MARCHF7: variants seen among roughly 807,000 people sequenced by gnomAD.
MARCHF7 encodes E3 ubiquitin-protein ligase MARCHF7.
A neutral mutation model predicts 76.5 loss-of-function variants in MARCHF7; 20 were observed. The ratio of observed to expected loss-of-function variants is 0.26; its 90% CI spans 0.18 to 0.38. MARCHF7 has a LOEUF of 0.38. Among genes scored for constraint, MARCHF7 ranks in the 10% least tolerant of loss-of-function variants. The pLI, the probability that MARCHF7 is intolerant of heterozygous loss-of-function variation, is 1.00. For missense variants in MARCHF7, 797 were observed against 812.9 expected (o/e 0.98, Z 0.24); for synonymous variants, 295 against 293.0 (o/e 1.01, Z -0.07).
rs981142263 is a variant in MARCHF7 at position 159,712,567 on chromosome 2, C to T, written c.-182C>T. ...TTGTGCTTCGCTGCCGACTGCATTTCCTCAGTCACGGGCCTAGAACTCCAA... is the reference window on the plus strand; with the variant it reads ...TTGTGCTTCGCTGCCGACTGCATTTTCTCAGTCACGGGCCTAGAACTCCAA... On this transcript the variant is annotated 5_prime_UTR_variant, in exon 1 of 12. Transcript: ENST00000409175. 6.6e-6 allele frequency: 1 copy of T among 152,658 alleles called. No homozygotes were observed. Among genetic ancestry groups the T allele is most frequent in the African/African-American group, 2.4e-5 (1 of 41,420 alleles). 9.5% of individuals were successfully genotyped at this position (152,658 alleles called of 1,614,324 possible).
At chr2:159,714,968 C>G (rs1225474932) in intron 2 of MARCHF7, among the ~76,000 whole-genome samples, 1 of 152,166 alleles carries the variant, frequency 6.6e-6, no homozygotes, top group African/African-American at 2.4e-5. Context: ...GAATGGAGAG[C>G]TATTGTGTTC....
At position 159,752,528 on chromosome 2, in the gene MARCHF7, C is replaced by T. The variant is rs1705778881; in HGVS notation, c.1740C>T (p.His580=). ...GCACAGGAAGTTTGCAGTATGTCCA[C>T]CAAGACTGTATGAAAAAGTGGTTAC... ...CKCTGSLQYV[H]QDCMKKWLQA... The change falls in exon 8 of 12, where the codon CAC becomes CAT. Residue 580 remains histidine (H), a synonymous_variant. Transcript: ENST00000409175. 1 of 1,570,326 alleles carries T rather than the reference C, an allele frequency of 6.4e-7. No individual in the cohort carries two copies. The highest frequency in any genetic ancestry group is 8.6e-7 in the Non-Finnish European group (1 of 1,160,770).
At position 159,767,349 on chromosome 2, in the gene MARCHF7, A is replaced by G. The variant is rs761007202; in HGVS notation, c.*7A>G. The stretch of plus-strand genomic sequence containing the variant: ...GACATTTGATATTGCCTAACTTCAT[A>G]TAAGACAGATGGATGATCTGTGAAC... On this transcript the variant is annotated 3_prime_UTR_variant, in exon 12 of 12. Transcript: ENST00000409175. The G allele has an allele frequency of 2.6e-5, 42 of 1,597,654 alleles. No homozygotes were observed. Among genetic ancestry groups the G allele is most frequent in the Admixed American group, 8.4e-5 (5 of 59,752 alleles).
At position 159,767,463 on chromosome 2, in the gene MARCHF7, A is replaced by G. The variant is rs1185666505; in HGVS notation, c.*121A>G. On this transcript the variant is annotated 3_prime_UTR_variant, in exon 12 of 12. Coordinates refer to ENST00000409175, the MANE Select transcript of MARCHF7 (RefSeq NM_001282805.2). Reference sequence around the variant, plus strand: ...TACATTGACTATATATAAAATGAATATATACATACACATGTATGCCTGTAT... The same window carrying G: ...TACATTGACTATATATAAAATGAATGTATACATACACATGTATGCCTGTAT... The G allele has an allele frequency of 1.6e-6, 1 of 638,034 alleles. No individual in the cohort carries two copies. Among genetic ancestry groups the G allele is most frequent in the African/African-American group, 1.9e-5 (1 of 53,740 alleles). 39.5% of individuals were successfully genotyped at this position (638,034 alleles called of 1,614,324 possible). A position where few individuals can be genotyped will look rare whatever the true frequency, so the allele number is the denominator to read the frequency against.
intron 3 of MARCHF7, among the ~76,000 whole-genome samples, chr2:159,723,737 A>G (rs534051998): frequency 6.6e-6 from 1 of 152,332 alleles, no homozygotes; most frequent in African/African-American, 2.4e-5. Flanking sequence ...GAGCTCACCT[A>G]ATAACAATCA....
intron 5 of MARCHF7, among the ~76,000 whole-genome samples, chr2:159,743,889 C>T (rs1266010685): frequency 6.8e-6 from 1 of 147,292 alleles, no homozygotes; most frequent in Non-Finnish European, 1.5e-5. Flanking sequence ...GCCTGGTAGA[C>T]AGAGCAAGAC....
At position 159,752,540 on chromosome 2, in the gene MARCHF7, GA is replaced by G; in HGVS notation, c.1757del (p.Lys586SerfsTer13). 3.2e-6 allele frequency: 5 copies of G among 1,543,690 alleles called. No individual in the cohort carries two copies. Among genetic ancestry groups the G allele is most frequent in the Non-Finnish European group, 4.4e-6 (5 of 1,147,762 alleles). On this transcript the variant is annotated frameshift_variant, in exon 8 of 12. Coordinates refer to ENST00000409175, the MANE Select transcript of MARCHF7 (RefSeq NM_001282805.2). LOFTEE classifies it high-confidence loss of function. ...SLQYVHQDCM[K>X]KWLQAKINSG... ...TGCAGTATGTCCACCAAGACTGTATGAAAAAGTGGTTACAGGCCAAAATTAA... is the reference window on the plus strand; with the variant it reads ...TGCAGTATGTCCACCAAGACTGTATGAAAAGTGGTTACAGGCCAAAATTAA...
rs1226602690 is a variant in MARCHF7, at chr2:159,748,792, T to C, written c.1502T>C (p.Met501Thr). The C allele has an allele frequency of 1.2e-6, 2 of 1,614,178 alleles. No individual in the cohort carries two copies. The highest frequency in any genetic ancestry group is 2.2e-5 in the East Asian group (1 of 44,892). ...ALGSNLTDNV[M>T]ITVDIIPSGW... The stretch of plus-strand genomic sequence containing the variant: ...GGGAGTAATTTGACCGACAATGTCA[T>C]GATCACAGTAGATATTATTCCTTCA... The change falls in exon 7 of 12, where the codon ATG (methionine) becomes ACG (threonine). Residue 501 changes from methionine (M) to threonine (T), a missense_variant. Coordinates refer to ENST00000409175, the MANE Select transcript of MARCHF7 (RefSeq NM_001282805.2).
intron 3 of MARCHF7, among the ~76,000 whole-genome samples, chr2:159,727,505 G>A (rs997431341): frequency 4.6e-5 from 7 of 152,282 alleles, no homozygotes; most frequent in East Asian, 1.9e-4. Flanking sequence ...GGACAATGGC[G>A]TGAACCCAGG....
At chr2:159,745,736 T>C (rs753213746) in intron 5 of MARCHF7, 34 bp from the exon 6 acceptor site, 2 of 1,500,022 alleles carry the variant, frequency 1.3e-6, no homozygotes, top group Non-Finnish European at 1.8e-6. Context: ...CTTGAAAGCT[T>C]TCTCTGAAAT....
chr2:159,748,960 A>C, intron 7 of MARCHF7, 57 bp downstream of exon 7: 1 of 1,283,464 alleles, frequency 7.8e-7, no homozygotes, highest in Admixed American at 2.8e-5. Context: ...AGAACTCTTC[A>C]TTTCTTTTTT....
chr2:159,722,988 CATT>C (rs1323372445), intron 3 of MARCHF7, among the ~76,000 whole-genome samples: 4 of 152,258 alleles, frequency 2.6e-5, no homozygotes, highest in East Asian at 1.9e-4. Context: ...TATTAGGAAA[CATT>C]ATTGTTGTTA....
intron 8 of MARCHF7, among the ~76,000 whole-genome samples, chr2:159,757,675 C>T (rs1442683444): frequency 6.6e-6 from 1 of 152,178 alleles, no homozygotes; most frequent in Non-Finnish European, 1.5e-5. Context: ...ATGGGTTGCT[C>T]CCGGCTGAGT....
chr2:159,757,300 A>G (rs562954929), intron 8 of MARCHF7, among the ~76,000 whole-genome samples: 9 of 152,340 alleles, frequency 5.9e-5, no homozygotes, highest in African/African-American at 2.2e-4. Context: ...TCTGAGAAGT[A>G]TTTCTCAGAG....
At chr2:159,734,488 A>G (rs1000185884) in intron 4 of MARCHF7, among the ~76,000 whole-genome samples, 11 of 152,284 alleles carry the variant, frequency 7.2e-5, no homozygotes, top group Admixed American at 3.9e-4. Context: ...GAAAATGAAA[A>G]CAGTTTAAAA....
Position 159,746,874 on chromosome 2 carries a change from ATCTT to A in MARCHF7, c.515-929_515-926del, listed in dbSNP as rs149542590. On this transcript the variant is annotated intron_variant, in intron 6 of 11. Coordinates refer to ENST00000409175, the MANE Select transcript of MARCHF7 (RefSeq NM_001282805.2). ...ATTTTAATTTATCTTACTGGGGGAA[ATCTT>A]TATTTATGACAAATGAAAACATTTT... 4.4e-3 allele frequency among the ~76,000 whole-genome samples: 677 copies of A among 152,332 alleles called. 3 individuals are homozygous for A. Among genetic ancestry groups the A allele is most frequent in the Non-Finnish European group, 7.9e-3 (534 of 68,012 alleles).
In MARCHF7 at chr2:159,745,926, C is replaced by G; in HGVS notation, c.503C>G (p.Thr168Arg). 6.2e-7 allele frequency: 1 copy of G among 1,608,864 alleles called. No individual in the cohort carries two copies. Among genetic ancestry groups the G allele is most frequent in the Middle Eastern group, 1.7e-4 (1 of 5,966 alleles). ...MDYSHRSGDF[T>R]TSSYVQDRVP... ...TATAGTCACCGAAGTGGTGATTTCA[C>G]AACTTCATCATGTATGTATAAATTA... is the stretch of plus-strand genomic sequence containing the variant. Residue 168 changes from threonine (T) to arginine (R), a missense_variant, in exon 6 of 12, where the codon ACA (threonine) becomes AGA (arginine). Coordinates refer to ENST00000409175, the MANE Select transcript of MARCHF7 (RefSeq NM_001282805.2).
intron 11 of MARCHF7, among the ~76,000 whole-genome samples, chr2:159,765,406 C>CT (rs1172288572): frequency 1.3e-5 from 2 of 152,122 alleles, no homozygotes; most frequent in South Asian, 2.1e-4. Context: ...CAGTGTGCTT[C>CT]ATACCATGTG....
chr2:159,745,878 C>T lies in MARCHF7; in HGVS notation c.455C>T (p.Ser152Phe), dbSNP rs547381422. ...ERRDLERRTD[S>F]SISNLMDYSH... ...AGAGATTTGGAGAGAAGAACAGATT[C>T]CTCTATTAGTAATCTTATGGATTAT... The change falls in exon 6 of 12, where the codon TCC (serine) becomes TTC (phenylalanine). Residue 152 changes from serine (S) to phenylalanine (F), a missense_variant. By Grantham distance (155) the Ser-to-Phe change is radical. Coordinates refer to ENST00000409175, the MANE Select transcript of MARCHF7 (RefSeq NM_001282805.2). The T allele has an allele frequency of 6.2e-7, 1 of 1,611,836 alleles. No individual in the cohort carries two copies. Among genetic ancestry groups the T allele is most frequent in the Admixed American group, 1.7e-5 (1 of 59,942 alleles).
Sources: allele counts gnomAD v4.1 joint callset (sites outside exome capture counted in the v4.1 genomes callset), GRCh38; gene constraint gnomAD v4.1.1; transcripts MANE v1.5; gene names NCBI Gene and HGNC (gene_info 2026-07-23, HGNC 2026-07-21).